CYTH3: variants seen among roughly 807,000 people sequenced by gnomAD.
CYTH3 encodes cytohesin-3.
Under a neutral mutation model 55.1 loss-of-function variants are expected in CYTH3, and 23 were observed. That is an observed-to-expected ratio of 0.42 (90% CI 0.30 to 0.59). CYTH3 has a LOEUF of 0.59. CYTH3 is among the 20% of genes least tolerant of loss of function. The probability of loss-of-function intolerance (pLI) is 0.20; values close to 1 mark genes in which losing one functional copy is unlikely to be tolerated. For missense variants in CYTH3, 413 were observed against 524.8 expected (o/e 0.79, Z 2.08); for synonymous variants, 249 against 194.9 (o/e 1.28, Z -2.31).
intron 1 of CYTH3, among the ~76,000 whole-genome samples, chr7:6,192,616 C>A (rs559203524): frequency 6.7e-6 from 1 of 148,488 alleles, no homozygotes; most frequent in Admixed American, 6.8e-5. Context: ...ACTGCAACCT[C>A]CACCTCCTGA....
At chr7:6,207,690 C>T (rs1784226409) in intron 1 of CYTH3, among the ~76,000 whole-genome samples, 1 of 151,936 alleles carries the variant, frequency 6.6e-6, no homozygotes, top group South Asian at 2.1e-4. Context: ...TGACTCATAC[C>T]TGTAATCCCA....
At chr7:6,225,154 C>G (rs1353204896) in intron 1 of CYTH3, among the ~76,000 whole-genome samples, 4 of 152,114 alleles carry the variant, frequency 2.6e-5, no homozygotes. Flanking sequence ...AATTATTAAT[C>G]TATCATTATT....
chr7:6,213,633 G>A (rs1193190030), intron 1 of CYTH3, among the ~76,000 whole-genome samples: 2 of 151,964 alleles, frequency 1.3e-5, no homozygotes, highest in African/African-American at 4.8e-5. Flanking sequence ...GGGGCCTTGA[G>A]AACCAATGGT....
At chr7:6,259,759 ATATATATATATATTATATAT>A (rs1780245125) in intron 1 of CYTH3, among the ~76,000 whole-genome samples, 1 of 26,588 alleles carries the variant, frequency 3.8e-5, no homozygotes, top group African/African-American at 3.4e-4. Context: ...TATATATATT[ATATATATATATATTATATAT>A]ATATAATATA....
chr7:6,234,866 AAATAAT>A (rs1049426612), intron 1 of CYTH3, among the ~76,000 whole-genome samples: 2 of 152,184 alleles, frequency 1.3e-5, no homozygotes, highest in Non-Finnish European at 2.9e-5. Flanking sequence ...AATTTGTTGA[AAATAAT>A]AATAAGAATA....
intron 1 of CYTH3, among the ~76,000 whole-genome samples, chr7:6,268,337 T>G (rs1029833158): frequency 1.3e-5 from 2 of 152,094 alleles, no homozygotes; most frequent in Non-Finnish European, 2.9e-5. Flanking sequence ...CCGGCTAATT[T>G]TTGTATTTTT....
At chr7:6,242,587 G>C (rs1779703271) in intron 1 of CYTH3, among the ~76,000 whole-genome samples, 1 of 151,666 alleles carries the variant, frequency 6.6e-6, no homozygotes, top group African/African-American at 2.4e-5. Context: ...ATATTGGCCA[G>C]GCTGGTCTCA....
intron 1 of CYTH3, among the ~76,000 whole-genome samples, chr7:6,219,982 G>C (rs541688495): frequency 6.6e-6 from 1 of 152,244 alleles, no homozygotes; most frequent in Non-Finnish European, 1.5e-5. Flanking sequence ...GAACAGAAGA[G>C]AGAACTCAGA....
rs1209474594 is a variant in CYTH3, at chr7:6,212,992, A to G, written c.35-22461T>C. Among the ~76,000 whole-genome samples, 3 of 152,366 alleles carry G rather than the reference A, an allele frequency of 2.0e-5. No homozygotes were observed. The East Asian group carries it at 5.8e-4, about 29-fold the overall frequency. ...CACAGTCATCTCATCTTTAATAGGGATAACAGTAACTACTGCACCTAGAAG... is the reference window on the plus strand; with the variant it reads ...CACAGTCATCTCATCTTTAATAGGGGTAACAGTAACTACTGCACCTAGAAG... On this transcript the variant is annotated intron_variant, in intron 1 of 12. Transcript: ENST00000350796.
At chr7:6,222,738 C>T (rs1784579877) in intron 1 of CYTH3, among the ~76,000 whole-genome samples, 1 of 147,624 alleles carries the variant, frequency 6.8e-6, no homozygotes, top group Admixed American at 6.8e-5. Flanking sequence ...CAGAGTGAGA[C>T]TCCGTTTCAA....
At chr7:6,253,236 A>G (rs1222812428) in intron 1 of CYTH3, among the ~76,000 whole-genome samples, 2 of 132,534 alleles carry the variant, frequency 1.5e-5, no homozygotes, top group African/African-American at 6.0e-5. Flanking sequence ...TTTTTTTTTG[A>G]GACAGAGTCA....
Position 6,171,414 on chromosome 7 carries a change from G to A in CYTH3, c.450-100C>T, listed in dbSNP as rs1449599820. ...AGCTCAGGAAGGACGTTTTCCTCCC[G>A]AGCCTGGGGTACAGCTCTGGCAGGG... On this transcript the variant is annotated intron_variant, in intron 6 of 12. Coordinates refer to ENST00000350796, the MANE Select transcript of CYTH3 (RefSeq NM_004227.4). The surrounding 1 kb of genome is among the most constrained non-coding windows in gnomAD (Gnocchi z 6.7). 12 of 1,055,482 alleles carry A rather than the reference G, an allele frequency of 1.1e-5. No homozygotes were observed. The highest frequency in any genetic ancestry group is 2.0e-5 in the Admixed American group (1 of 50,342). 65.4% of individuals were successfully genotyped at this position (1,055,482 alleles called of 1,614,324 possible).
Position 6,162,724 on chromosome 7 carries a change from C to G in CYTH3, c.*2220G>C, listed in dbSNP as rs1782872477. The G allele has an allele frequency of 6.6e-6, 1 of 152,310 alleles. No homozygotes were observed. The highest frequency in any genetic ancestry group is 1.5e-5 in the Non-Finnish European group (1 of 68,072). The allele number at this position is 152,310 out of a possible 1,614,324, so 9.4% of individuals were successfully genotyped here. ...CAGGTGCCCACCACCTGGCGAAGCT[C>G]ATTCACAGATGACAGCAAAGGGGGA... is the stretch of plus-strand genomic sequence containing the variant. On this transcript the variant is annotated 3_prime_UTR_variant, in exon 13 of 13. Transcript: ENST00000350796.
intron 5 of CYTH3, 70 bp downstream of exon 5, chr7:6,177,751 GGA>G: frequency 1.7e-6 from 2 of 1,195,936 alleles, no homozygotes; most frequent in South Asian, 2.5e-5. Flanking sequence ...CCCCGAAAGT[GGA>G]GCGTGAGCCT....
chr7:6,241,848 G>A (rs1414205489), intron 1 of CYTH3, among the ~76,000 whole-genome samples: 1 of 152,138 alleles, frequency 6.6e-6, no homozygotes, highest in Non-Finnish European at 1.5e-5. Context: ...GTAGCGAAAT[G>A]ATCTCCAGAT....
rs977122764 is a variant in CYTH3 at position 6,188,361 on chromosome 7, A to C, written c.118-640T>G. ...TTTTAAAAAAAACAAAAAAACAAAA[A>C]AAAAAAGCCCAGCAAAAGGAAAGCC... On this transcript the variant is annotated intron_variant, in intron 2 of 12. Transcript: ENST00000350796. Among the ~76,000 whole-genome samples the C allele has an allele frequency of 5.3e-5, 8 of 151,804 alleles. No homozygotes were observed. In the South Asian group the frequency reaches 8.3e-4, roughly 16 times the overall value.
intron 4 of CYTH3, among the ~76,000 whole-genome samples, chr7:6,182,286 G>A (rs1330181128): frequency 6.6e-6 from 1 of 152,092 alleles, no homozygotes; most frequent in African/African-American, 2.4e-5. Flanking sequence ...CTAACCTCAG[G>A]CAATCCACCC....
chr7:6,195,243 C>T lies in CYTH3; in HGVS notation c.35-4712G>A, dbSNP rs534131506. On this transcript the variant is annotated intron_variant, in intron 1 of 12. Coordinates refer to ENST00000350796, the MANE Select transcript of CYTH3 (RefSeq NM_004227.4). ...CGATATAAATTAAGAACACAATGTT[C>T]AGCTTATGATAAAGTAAACATGGCA... Among the ~76,000 whole-genome samples, 11 of 152,240 alleles carry T rather than the reference C, an allele frequency of 7.2e-5. No homozygotes were observed. The South Asian group carries it at 2.3e-3, about 32-fold the overall frequency.
At chr7:6,254,229 T>C (rs959456468) in intron 1 of CYTH3, among the ~76,000 whole-genome samples, 7 of 151,216 alleles carry the variant, frequency 4.6e-5, no homozygotes, top group Admixed American at 3.3e-4. Flanking sequence ...AAAAGATAAC[T>C]AAATAGAAGG....
Sources: gnomAD v4.1 joint callset for allele counts (sites outside exome capture counted in the v4.1 genomes callset) on GRCh38, gnomAD v4.1.1 for gene constraint, Gnocchi (gnomAD v3.1) non-coding constraint, MANE v1.5 for transcripts, NCBI Gene and HGNC (gene_info 2026-07-23, HGNC 2026-07-21) for gene names.